The following NMNAT2 variants were observed in gnomAD, a reference collection of about 807,000 sequenced individuals.
NMNAT2 encodes nicotinamide/nicotinic acid mononucleotide adenylyltransferase 2.
NMNAT2 carries 11 observed loss-of-function variants against 41.6 expected under a neutral mutation model. The ratio of observed to expected loss-of-function variants is 0.26; its 90% CI spans 0.17 to 0.44. The LOEUF is 0.44. Ranked by LOEUF, NMNAT2 falls within the 20% of genes least tolerant of loss-of-function variation. The probability of loss-of-function intolerance (pLI) is 1.00; values close to 1 mark genes in which losing one functional copy is unlikely to be tolerated. For synonymous variants in NMNAT2, 148 were observed against 151.2 expected, an observed-to-expected ratio of 0.98 and a Z score of 0.16; for missense variants, 288 against 407.7, an observed-to-expected ratio of 0.71 and a Z score of 2.53.
intron 1 of NMNAT2, among the ~76,000 whole-genome samples, chr1:183,411,403 C>T (rs374909350): frequency 6.6e-6 from 1 of 152,266 alleles, no homozygotes; most frequent in East Asian, 1.9e-4. Context: ...CAACCTCCAC[C>T]TCTGACCGTC....
intron 1 of NMNAT2, among the ~76,000 whole-genome samples, chr1:183,400,298 G>A (rs993213663): frequency 2.0e-5 from 3 of 152,148 alleles, no homozygotes; most frequent in African/African-American, 7.2e-5. Flanking sequence ...AATCATGAGT[G>A]AACTCCCATT....
Position 183,250,809 on chromosome 1 carries a change from G to A in NMNAT2, c.*1832C>T, listed in dbSNP as rs1282310572. On this transcript the variant is annotated 3_prime_UTR_variant, in exon 11 of 11. Transcript: ENST00000287713. ...GACTTTCTGGATGCTGCTCTACCAT[G>A]TTCTTCTGTTAAATCAAGTTCCTTT... The A allele has an allele frequency of 6.6e-6, 1 of 152,580 alleles. No individual in the cohort carries two copies. The highest frequency in any genetic ancestry group is 1.5e-5 in the Non-Finnish European group (1 of 68,044). 9.5% of individuals were successfully genotyped at this position (152,580 alleles called of 1,614,324 possible). A position where few individuals can be genotyped will look rare whatever the true frequency, so the allele number is the denominator to read the frequency against.
chr1:183,416,583 A>G (rs1649256972), intron 1 of NMNAT2, among the ~76,000 whole-genome samples: 1 of 152,208 alleles, frequency 6.6e-6, no homozygotes, highest in African/African-American at 2.4e-5. Flanking sequence ...TCCTTATTTA[A>G]CAGGCAAGTT....
At chr1:183,344,277 C>T (rs1045174982) in intron 1 of NMNAT2, among the ~76,000 whole-genome samples, 1 of 152,146 alleles carries the variant, frequency 6.6e-6, no homozygotes, top group Non-Finnish European at 1.5e-5. Flanking sequence ...GATGAGGAAA[C>T]CGAGGTTCGC....
intron 3 of NMNAT2, among the ~76,000 whole-genome samples, chr1:183,291,359 C>A (rs1367253475): frequency 6.6e-6 from 1 of 152,148 alleles, no homozygotes; most frequent in Admixed American, 6.5e-5. Flanking sequence ...TGCCATTTGC[C>A]GGGACCCTGG....
chr1:183,373,753 G>C (rs1406835039), intron 1 of NMNAT2, among the ~76,000 whole-genome samples: 3 of 151,930 alleles, frequency 2.0e-5, no homozygotes, highest in Admixed American at 2.0e-4. Flanking sequence ...AAGTAGCTGG[G>C]ACTACAGGCA....
intron 7 of NMNAT2, among the ~76,000 whole-genome samples, chr1:183,279,545 G>C (rs917384537): frequency 6.6e-6 from 1 of 152,192 alleles, no homozygotes; most frequent in African/African-American, 2.4e-5. Flanking sequence ...GCCAGCACAG[G>C]CCCTGGGGCC....
At chr1:183,277,824 C>A (rs1661160959) in intron 8 of NMNAT2, among the ~76,000 whole-genome samples, 1 of 152,116 alleles carries the variant, frequency 6.6e-6, no homozygotes, top group African/African-American at 2.4e-5. Context: ...TCCAGAGTCA[C>A]ACAGCAAGTT....
chr1:183,272,751 G>T (rs1177622485), intron 8 of NMNAT2, among the ~76,000 whole-genome samples: 1 of 152,250 alleles, frequency 6.6e-6, no homozygotes, highest in Non-Finnish European at 1.5e-5. Context: ...TTCCAGCCTG[G>T]CTGGAGGCCG....
At position 183,250,696 on chromosome 1, in the gene NMNAT2, A is replaced by G. The variant is rs370999683; in HGVS notation, c.*1945T>C. The G allele has an allele frequency of 2.0e-5, 3 of 152,608 alleles. No individual in the cohort carries two copies. The highest frequency in any genetic ancestry group is 4.8e-5 in the African/African-American group (2 of 41,440). 9.5% of individuals were successfully genotyped at this position (152,608 alleles called of 1,614,324 possible). ...AAAGTTTTTTTCAGTTTATTATTTC[A>G]TGATCCCTAGTCAAACACTGATACC... On this transcript the variant is annotated 3_prime_UTR_variant, in exon 11 of 11. Coordinates refer to ENST00000287713, the MANE Select transcript of NMNAT2 (RefSeq NM_015039.4).
At chr1:183,342,886 A>C (rs1051911634) in intron 1 of NMNAT2, among the ~76,000 whole-genome samples, 1 of 145,504 alleles carries the variant, frequency 6.9e-6, no homozygotes, top group African/African-American at 2.6e-5. Context: ...GACATGTTCC[A>C]TCATGACTGG....
intron 1 of NMNAT2, among the ~76,000 whole-genome samples, chr1:183,371,909 A>G (rs1167812041): frequency 6.6e-6 from 1 of 152,034 alleles, no homozygotes; most frequent in African/African-American, 2.4e-5. Context: ...CCTCCTGAGT[A>G]GCTGGGACCA....
chr1:183,385,734 T>C (rs1027662954), intron 1 of NMNAT2, among the ~76,000 whole-genome samples: 5 of 152,170 alleles, frequency 3.3e-5, no homozygotes, highest in African/African-American at 9.7e-5. Context: ...TGTGTGTACA[T>C]AGCTGGAATC....
intron 1 of NMNAT2, among the ~76,000 whole-genome samples, chr1:183,361,856 C>T (rs1011287032): frequency 4.6e-5 from 7 of 152,176 alleles, no homozygotes; most frequent in African/African-American, 1.4e-4. Context: ...GTGCTCAGTG[C>T]CCTAGAGTTT....
At chr1:183,412,487 T>C (rs1029277766) in intron 1 of NMNAT2, among the ~76,000 whole-genome samples, 9 of 152,236 alleles carry the variant, frequency 5.9e-5, no homozygotes, top group African/African-American at 1.9e-4. Flanking sequence ...CCTCCCAAAG[T>C]GCTGGGATTA....
intron 1 of NMNAT2, among the ~76,000 whole-genome samples, chr1:183,337,339 T>C (rs1188426355): frequency 2.0e-5 from 3 of 152,170 alleles, no homozygotes; most frequent in Non-Finnish European, 4.4e-5. Context: ...AGTATATTTT[T>C]AAAATCATGA....
intron 1 of NMNAT2, among the ~76,000 whole-genome samples, chr1:183,409,852 C>T (rs1255557395): frequency 6.6e-6 from 1 of 152,132 alleles, no homozygotes; most frequent in Admixed American, 6.6e-5. Context: ...TCCAGTGAAG[C>T]ACAGTAAAAT....
chr1:183,341,689 AG>A (rs34906859), intron 1 of NMNAT2, among the ~76,000 whole-genome samples: 70,448 of 106,812 alleles, frequency 0.66, 23,652 homozygotes, highest in East Asian at 0.86. Flanking sequence ...AAAAAAAAAG[AG>A]AGAGAGAGAG....
chr1:183,293,184 G>C (rs1571579088), intron 2 of NMNAT2, among the ~76,000 whole-genome samples: 1 of 152,222 alleles, frequency 6.6e-6, no homozygotes, highest in Non-Finnish European at 1.5e-5. Context: ...CAGTCTGGCT[G>C]GTTAGGTGAG....
Sources: allele counts gnomAD v4.1 joint callset (sites outside exome capture counted in the v4.1 genomes callset), GRCh38; gene constraint gnomAD v4.1.1; transcripts MANE v1.5; gene names NCBI Gene and HGNC (gene_info 2026-07-23, HGNC 2026-07-21).